TLCD4: variants seen among roughly 807,000 people sequenced by gnomAD.
TLCD4 encodes the protein TLC domain containing 4, also known as TLC domain-containing protein 4.
Under a neutral mutation model 24.2 loss-of-function variants are expected in TLCD4, and 7 were observed. The ratio of observed to expected loss-of-function variants is 0.29; its 90% CI spans 0.16 to 0.54. TLCD4 has a LOEUF of 0.54. Ranked by LOEUF, TLCD4 falls within the 20% of genes least tolerant of loss-of-function variation. The pLI is 0.95. For synonymous variants in TLCD4, 103 were observed against 106.4 expected (o/e 0.97, Z 0.20); for missense variants, 259 against 313.9 (o/e 0.82, Z 1.32).
At chr1:95,174,509 A>C (rs1396235677) in intron 6 of TLCD4, among the ~76,000 whole-genome samples, 97 of 40,010 alleles carry the variant, frequency 2.4e-3, no homozygotes, top group Non-Finnish European at 4.5e-3. Flanking sequence ...CATCCCTACA[A>C]AAAAAAAAAA....
rs1677280050 is a variant in TLCD4, at chr1:95,143,931, T to C, written c.30T>C (p.Ser10=). 1.3e-5 allele frequency: 20 copies of C among 1,545,222 alleles called. No homozygotes were observed. The highest frequency in any genetic ancestry group is 1.7e-5 in the Non-Finnish European group (19 of 1,148,674). ...AGATCAACACAAAACTGCTCATCAG[T>C]GTTACCTGTATCAGCTTTTTCACCT... The part of the protein sequence containing the change: MEINTKLLI[S]VTCISFFTFQ... The change falls in exon 2 of 7, where the codon AGT becomes AGC. Residue 10 remains serine (S), a synonymous_variant. Transcript: ENST00000370203.
chr1:95,149,429 T>C (rs1677432252), intron 3 of TLCD4, among the ~76,000 whole-genome samples: 3 of 152,190 alleles, frequency 2.0e-5, no homozygotes, highest in African/African-American at 7.2e-5. Context: ...GAAGAAGCAC[T>C]GCACTGAGAT....
intron 6 of TLCD4, among the ~76,000 whole-genome samples, chr1:95,183,769 C>T (rs531028261): frequency 6.6e-5 from 10 of 151,898 alleles, no homozygotes; most frequent in East Asian, 5.8e-4. Flanking sequence ...ATCTGGGAGG[C>T]GGAGATTGCA....
At chr1:95,143,763 T>A in intron 1 of TLCD4, 128 bp from the exon 2 acceptor site, 2 of 932,634 alleles carry the variant, frequency 2.1e-6, no homozygotes, top group Non-Finnish European at 2.8e-6. Flanking sequence ...ATTCTTATAG[T>A]TTATATTCTT....
chr1:95,130,118 G>A (rs889490241), intron 1 of TLCD4, among the ~76,000 whole-genome samples: 5 of 152,030 alleles, frequency 3.3e-5, no homozygotes, highest in African/African-American at 4.8e-5. Context: ...TGGAAAAGTC[G>A]AAAATGAGTA....
intron 1 of TLCD4, among the ~76,000 whole-genome samples, chr1:95,141,736 A>G (rs559062276): frequency 4.0e-5 from 6 of 151,514 alleles, no homozygotes; most frequent in Non-Finnish European, 7.4e-5. Context: ...GTAAAAGAGC[A>G]GTAAAGTTAA....
intron 6 of TLCD4, among the ~76,000 whole-genome samples, chr1:95,174,447 G>T (rs1055323490): frequency 2.0e-5 from 3 of 150,236 alleles, no homozygotes; most frequent in African/African-American, 2.5e-5. Flanking sequence ...GAGGCAGGAG[G>T]ATTGCTTGAG....
the TLCD4 span, among the ~76,000 whole-genome samples, chr1:95,110,920 G>C: frequency 6.7e-6 from 1 of 149,264 alleles, no homozygotes; most frequent in Non-Finnish European, 1.5e-5. Context: ...ACTGGTGATT[G>C]ATAACATAAA....
chr1:95,148,571 T>G (rs1302215095), intron 2 of TLCD4, 131 bp from the exon 3 acceptor site: 1 of 1,215,988 alleles, frequency 8.2e-7, no homozygotes, highest in East Asian at 2.6e-5. Flanking sequence ...TGCATTATAC[T>G]CTCCGTTATA....
the TLCD4 span, among the ~76,000 whole-genome samples, chr1:95,105,146 A>C: frequency 5.3e-5 from 8 of 152,324 alleles, no homozygotes; most frequent in African/African-American, 1.9e-4. Flanking sequence ...AGAGAGTATA[A>C]TTGTACCACA....
chr1:95,138,222 A>G (rs1677101909), intron 1 of TLCD4: 1 of 152,086 alleles, frequency 6.6e-6, no homozygotes, highest in Admixed American at 6.5e-5. Context: ...GTGAGGATCA[A>G]TTTCTTTGTA....
chr1:95,151,677 A>G (rs1332976054), intron 5 of TLCD4, among the ~76,000 whole-genome samples: 2 of 152,122 alleles, frequency 1.3e-5, no homozygotes, highest in Non-Finnish European at 2.9e-5. Flanking sequence ...TTGAATTTCC[A>G]TTTAAAACCT....
chr1:95,121,628 C>T (rs1277779725), intron 1 of TLCD4, among the ~76,000 whole-genome samples: 3 of 152,132 alleles, frequency 2.0e-5, no homozygotes, highest in African/African-American at 4.8e-5. Context: ...CCGCCACCAC[C>T]CCGGGCTAAT....
chr1:95,106,513 C>T, the TLCD4 span, among the ~76,000 whole-genome samples: 29,412 of 151,918 alleles, frequency 0.19, 3,181 homozygotes, highest in East Asian at 0.39. Context: ...CCAGCCTGGG[C>T]GACATGGTGA....
At chr1:95,187,903 C>T (rs1304159305) in intron 6 of TLCD4, among the ~76,000 whole-genome samples, 4 of 152,084 alleles carry the variant, frequency 2.6e-5, no homozygotes, top group Admixed American at 2.6e-4. Flanking sequence ...GAGGCAACTT[C>T]TCTCTGTGTC....
chr1:95,172,043 C>T (rs913505061), intron 5 of TLCD4, among the ~76,000 whole-genome samples: 7 of 152,338 alleles, frequency 4.6e-5, no homozygotes, highest in African/African-American at 1.7e-4. Context: ...CTGCAGGAAG[C>T]TGGCAGAGAG....
chr1:95,103,296 T>C, the TLCD4 span, among the ~76,000 whole-genome samples: 2 of 152,028 alleles, frequency 1.3e-5, no homozygotes, highest in Admixed American at 6.6e-5. Context: ...CTACTTTAGG[T>C]AGGCAGTGAA....
intron 6 of TLCD4, among the ~76,000 whole-genome samples, chr1:95,174,352 A>T (rs943505223): frequency 6.6e-6 from 1 of 152,004 alleles, no homozygotes; most frequent in Non-Finnish European, 1.5e-5. Flanking sequence ...TGAAATACAT[A>T]ATCTTTTTAT....
intron 6 of TLCD4, among the ~76,000 whole-genome samples, chr1:95,184,673 A>G (rs1678769439): frequency 6.6e-6 from 1 of 152,188 alleles, no homozygotes; most frequent in African/African-American, 2.4e-5. Flanking sequence ...GGTGGGTAAA[A>G]GAAAGTGTTG....
Sources: gnomAD v4.1 joint callset for allele counts (sites outside exome capture counted in the v4.1 genomes callset) on GRCh38, gnomAD v4.1.1 for gene constraint, MANE v1.5 for transcripts, NCBI Gene and HGNC (gene_info 2026-07-23, HGNC 2026-07-21) for gene names.